Variants in HEXB observed in about 807,000 individuals in gnomAD.
HEXB encodes the protein beta-hexosaminidase subunit beta.
In HEXB, 51 loss-of-function variants were observed where a neutral mutation model predicts 71.2. That is an observed-to-expected ratio of 0.72 (90% CI 0.57 to 0.90). The LOEUF is 0.90. Ranked by LOEUF, HEXB falls within the 40% of genes least tolerant of loss-of-function variation. The pLI, the probability that HEXB is intolerant of heterozygous loss-of-function variation, is 0.00. For synonymous variants in HEXB, 266 were observed against 249.3 expected (o/e 1.07, Z -0.63); for missense variants, 617 against 677.0 (o/e 0.91, Z 0.98).
chr5:74,686,963 T>C (rs1748888895), intron 1 of HEXB, among the ~76,000 whole-genome samples: 1 of 152,246 alleles, frequency 6.6e-6, no homozygotes, highest in African/African-American at 2.4e-5. Context: ...TATGCTGAAC[T>C]GACTGTGACA....
At chr5:74,654,749 A>G (rs1561202314) in intron 1 of HEXB, among the ~76,000 whole-genome samples, 2 of 152,194 alleles carry the variant, frequency 1.3e-5, no homozygotes, top group Middle Eastern at 3.2e-3. Context: ...ATAATCGAGT[A>G]TTTTAGAGCA....
At chr5:74,669,720 G>A (rs1029637943) in intron 1 of HEXB, among the ~76,000 whole-genome samples, 5 of 152,116 alleles carry the variant, frequency 3.3e-5, no homozygotes, top group Non-Finnish European at 7.3e-5. Context: ...GCAGAGGAGA[G>A]AGGGAGGATT....
intron 1 of HEXB, among the ~76,000 whole-genome samples, chr5:74,656,380 G>A (rs971707764): frequency 2.6e-5 from 4 of 152,038 alleles, no homozygotes; most frequent in African/African-American, 9.7e-5. Context: ...TCAGGAGGCT[G>A]AGGCAAGAGA....
upstream of HEXB, among the ~76,000 whole-genome samples, chr5:74,684,674 C>CTTTTTTTTTTT (rs1191674612): frequency 2.0e-4 from 27 of 133,850 alleles, no homozygotes; most frequent in African/African-American, 3.0e-4. Context: ...TTTTTCTTTT[C>CTTTTTTTTTTT]TTTTTTTTTT....
intron 1 of HEXB, among the ~76,000 whole-genome samples, chr5:74,678,529 G>GAA (rs35540313): frequency 1.7e-4 from 25 of 149,162 alleles, no homozygotes; most frequent in South Asian, 1.1e-3. Flanking sequence ...AGCCATTTGG[G>GAA]AAAAAAAAAG....
chr5:74,660,328 G>A (rs185794488), intron 1 of HEXB, among the ~76,000 whole-genome samples: 1 of 152,250 alleles, frequency 6.6e-6, no homozygotes, highest in Admixed American at 6.5e-5. Flanking sequence ...TTAATGAGGA[G>A]TAGCTGTGTG....
intron 13 of HEXB, 50 bp downstream of exon 13, chr5:74,720,797 T>G (rs2112186789): frequency 7.3e-7 from 1 of 1,374,018 alleles, no homozygotes; most frequent in South Asian, 1.2e-5. Flanking sequence ...TTATTCAGTG[T>G]TAGTTTCTTT....
chr5:74,696,581 T>G lies in HEXB; in HGVS notation c.512-112T>G, dbSNP rs1696979. On this transcript the variant is annotated intron_variant, in intron 3 of 13. Coordinates refer to ENST00000261416, the MANE Select transcript of HEXB (RefSeq NM_000521.4). ...ATTTTAGAGGATAGAGGTATAACAC[T>G]ATATTCAATTATATTTGCCTTACCT... is the stretch of plus-strand genomic sequence containing the variant. 0.57 allele frequency: 377,235 copies of G among 660,722 alleles called. 110,314 individuals are homozygous for G. The highest frequency in any genetic ancestry group is 0.64 in the South Asian group (38,628 of 60,728). The allele number at this position is 660,722 out of a possible 1,614,324, so 40.9% of individuals were successfully genotyped here. A position where few individuals can be genotyped will look rare whatever the true frequency, so the allele number is the denominator to read the frequency against.
intron 9 of HEXB, among the ~76,000 whole-genome samples, 165 bp from the exon 10 acceptor site, chr5:74,718,126 A>G (rs1749720879): frequency 6.6e-6 from 1 of 152,194 alleles, no homozygotes; most frequent in Admixed American, 6.6e-5. Flanking sequence ...AAAAAGGAGG[A>G]ACTACTTGTG....
At chr5:74,720,404 C>CTTAA (rs1749799465) in intron 11 of HEXB, 24 bp from the exon 12 acceptor site, 5 of 1,501,698 alleles carry the variant, frequency 3.3e-6, no homozygotes, top group East Asian at 2.3e-5. Flanking sequence ...AACTTCTGAA[C>CTTAA]TTAATTCAAT....
At chr5:74,676,050 C>T (rs1287860766) in intron 1 of HEXB, among the ~76,000 whole-genome samples, 1 of 152,072 alleles carries the variant, frequency 6.6e-6, no homozygotes, top group Non-Finnish European at 1.5e-5. Flanking sequence ...GTGGAAAGCC[C>T]CAATATGGCA....
chr5:74,647,861 A>T (rs1748030146), intron 1 of HEXB, among the ~76,000 whole-genome samples: 1 of 152,246 alleles, frequency 6.6e-6, no homozygotes, highest in South Asian at 2.1e-4. Flanking sequence ...ATATTTATTT[A>T]CAGGCATCGT....
At position 74,716,617 on chromosome 5, in the gene HEXB, G is replaced by A. The variant is rs768418687; in HGVS notation, c.1113G>A (p.Met371Ile). 14 of 1,609,716 alleles carry A rather than the reference G, an allele frequency of 8.7e-6. No homozygotes were observed. The highest frequency in any genetic ancestry group is 1.2e-5 in the Non-Finnish European group (14 of 1,178,052). Residue 371 changes from methionine (M) to isoleucine (I), a missense_variant, in exon 9 of 14, where the codon ATG becomes ATA. By Grantham distance (10) the Met-to-Ile change is conservative (BLOSUM62 1). Coordinates refer to ENST00000261416, the MANE Select transcript of HEXB (RefSeq NM_000521.4). ...CAAATCCAAAAATTCAAGATTTCAT[G>A]AGGCAAAAAGGCTTTGGCACAGATT... ...WESNPKIQDFMRQKGFGTDFK... is the reference protein window; with the variant it reads ...WESNPKIQDFIRQKGFGTDFK...
chr5:74,665,367 T>C (rs1305441299), intron 1 of HEXB, among the ~76,000 whole-genome samples: 1 of 152,188 alleles, frequency 6.6e-6, no homozygotes, highest in East Asian at 1.9e-4. Context: ...TTTCTAAAAA[T>C]ACATATGGAT....
At chr5:74,663,363 G>A (rs898076964) in intron 1 of HEXB, among the ~76,000 whole-genome samples, 2 of 151,690 alleles carry the variant, frequency 1.3e-5, no homozygotes, top group Middle Eastern at 3.4e-3. Context: ...GCTAATTTTT[G>A]TATTTTTAGT....
intron 6 of HEXB, among the ~76,000 whole-genome samples, chr5:74,708,253 C>T (rs1283825038): frequency 6.6e-6 from 1 of 151,796 alleles, no homozygotes; most frequent in South Asian, 2.1e-4. Flanking sequence ...GAGATTTTGT[C>T]ACCACCAGGC....
chr5:74,656,334 C>T (rs1166266074), intron 1 of HEXB, among the ~76,000 whole-genome samples: 2 of 151,814 alleles, frequency 1.3e-5, no homozygotes, highest in Non-Finnish European at 2.9e-5. Context: ...CAGAAATTAG[C>T]TGGGTGTGGT....
intron 1 of HEXB, among the ~76,000 whole-genome samples, chr5:74,644,142 A>T (rs1747958313): frequency 6.6e-6 from 1 of 152,160 alleles, no homozygotes; most frequent in Non-Finnish European, 1.5e-5. Flanking sequence ...CCTGAAGGGG[A>T]AGGGAGGGAA....
intron 11 of HEXB, among the ~76,000 whole-genome samples, chr5:74,719,736 G>C (rs1337827942): frequency 6.6e-6 from 1 of 152,112 alleles, no homozygotes; most frequent in Non-Finnish European, 1.5e-5. Flanking sequence ...GAGGTCAGGA[G>C]TTCAAGACCA....
Sources: allele counts gnomAD v4.1 joint callset (sites outside exome capture counted in the v4.1 genomes callset), GRCh38; gene constraint gnomAD v4.1.1; transcripts MANE v1.5; gene names NCBI Gene and HGNC (gene_info 2026-07-23, HGNC 2026-07-21).